The following RREB1 variants were observed in gnomAD, a reference collection of about 807,000 sequenced individuals.
RREB1 encodes the protein ras-responsive element-binding protein 1.
Under a neutral mutation model 117.8 loss-of-function variants are expected in RREB1, and 27 were observed. That is an observed-to-expected ratio of 0.23 (90% confidence interval 0.17 to 0.32). The LOEUF is 0.32. Among genes scored for constraint, RREB1 ranks in the 10% least tolerant of loss-of-function variants. The pLI is 1.00. For synonymous variants in RREB1, 1,298 were observed against 1,026.7 expected, an observed-to-expected ratio of 1.26 and a Z score of -5.05; for missense variants, 2,577 against 2,378.2, an observed-to-expected ratio of 1.08 and a Z score of -1.74.
chr6:7,135,834 A>G (rs1009897990), intron 1 of RREB1, among the ~76,000 whole-genome samples: 5 of 152,220 alleles, frequency 3.3e-5, no homozygotes, highest in Admixed American at 2.6e-4. Context: ...GTATGGATCA[A>G]CTGAGCACAG....
In RREB1 at chr6:7,231,129, C is replaced by T. The variant is rs1554127353; in HGVS notation, c.3030C>T (p.Gly1010=). Residue 1010 remains glycine (G), a synonymous_variant, in exon 10 of 13, where the codon GGC becomes GGT. Coordinates refer to ENST00000379938, the MANE Select transcript of RREB1 (RefSeq NM_001003699.4). ...TPEPPAQPLQ[G]PVQLAVPIYS... The stretch of plus-strand genomic sequence containing the variant: ...AACCCCCAGCACAGCCCCTGCAGGG[C>T]CCTGTTCAGCTGGCGGTCCCAATCT... The T allele has an allele frequency of 6.2e-7, 1 of 1,612,722 alleles. No individual in the cohort carries two copies. The highest frequency in any genetic ancestry group is 1.1e-5 in the South Asian group (1 of 91,066).
intron 1 of RREB1, among the ~76,000 whole-genome samples, chr6:7,112,320 T>C (rs1482942350): frequency 6.6e-6 from 1 of 152,154 alleles, no homozygotes; most frequent in Non-Finnish European, 1.5e-5. Context: ...CTTGGTTGAA[T>C]GGTAAGCCTG....
intron 1 of RREB1, among the ~76,000 whole-genome samples, chr6:7,109,806 T>G (rs1761047822): frequency 6.6e-6 from 1 of 152,150 alleles, no homozygotes; most frequent in Non-Finnish European, 1.5e-5. Context: ...TTGGAGGGGT[T>G]TTCTTCGTTT....
chr6:7,154,511 TAAA>T (rs1399158193), intron 1 of RREB1, among the ~76,000 whole-genome samples: 1 of 152,214 alleles, frequency 6.6e-6, no homozygotes, highest in Non-Finnish European at 1.5e-5. Flanking sequence ...TATATGATAA[TAAA>T]AAGCACTGAG....
At chr6:7,110,805 T>A (rs548196299) in intron 1 of RREB1, among the ~76,000 whole-genome samples, 1 of 152,344 alleles carries the variant, frequency 6.6e-6, no homozygotes, top group East Asian at 1.9e-4. Context: ...GAGGATTTGC[T>A]GGATGTGTAA....
chr6:7,235,330 C>CAGA (rs2113141279), intron 10 of RREB1, among the ~76,000 whole-genome samples: 1 of 152,322 alleles, frequency 6.6e-6, no homozygotes, highest in East Asian at 1.9e-4. Flanking sequence ...TGCTGTCACT[C>CAGA]AGAACCACAT....
At chr6:7,122,630 C>G (rs910734667) in intron 1 of RREB1, among the ~76,000 whole-genome samples, 2 of 152,188 alleles carry the variant, frequency 1.3e-5, no homozygotes, top group Admixed American at 6.5e-5. Flanking sequence ...ACCTTCTACT[C>G]CTCACTTTTT....
chr6:7,167,874 G>T (rs1764026960), intron 1 of RREB1, among the ~76,000 whole-genome samples: 1 of 152,172 alleles, frequency 6.6e-6, no homozygotes, highest in South Asian at 2.1e-4. Context: ...GGAGGGCAGT[G>T]TTATCAGCTT....
chr6:7,187,450 A>G lies in RREB1; in HGVS notation c.188A>G (p.Lys63Arg). The G allele has an allele frequency of 1.2e-6, 2 of 1,603,198 alleles. No individual in the cohort carries two copies. The highest frequency in any genetic ancestry group is 8.5e-7 in the Non-Finnish European group (1 of 1,172,060). Residue 63 changes from lysine (K) to arginine (R), a missense_variant, in exon 5 of 13, where the codon AAG becomes AGG. By Grantham distance (26) the Lys-to-Arg change is conservative (BLOSUM62 2). Transcript: ENST00000379938. ...GRRNQETKEEKSSYNCPLCEK... is the reference protein window; with the variant it reads ...GRRNQETKEERSSYNCPLCEK... Reference sequence around the variant, plus strand: ...TCTTTTTAGGAAACGAAAGAGGAGAAGTCTTCCTATAACTGCCCCCTGTGT... The same window carrying G: ...TCTTTTTAGGAAACGAAAGAGGAGAGGTCTTCCTATAACTGCCCCCTGTGT...
intron 1 of RREB1, among the ~76,000 whole-genome samples, chr6:7,125,987 T>TTTTGTCTG (rs1554115476): frequency 6.6e-6 from 1 of 150,688 alleles, no homozygotes; most frequent in Non-Finnish European, 1.5e-5. Flanking sequence ...AAGGACTGTT[T>TTTTGTCTG]TTTGTTTGTT....
chr6:7,172,585 GAGA>G (rs1240563262), intron 1 of RREB1, among the ~76,000 whole-genome samples: 1 of 152,144 alleles, frequency 6.6e-6, no homozygotes, highest in Non-Finnish European at 1.5e-5. Context: ...CACCCAGGAA[GAGA>G]AGATCAGAGT....
At chr6:7,176,175 C>T (rs759975341) in intron 1 of RREB1, among the ~76,000 whole-genome samples, 6 of 152,186 alleles carry the variant, frequency 3.9e-5, no homozygotes, top group Non-Finnish European at 8.8e-5. Flanking sequence ...TCTTGGCCTC[C>T]CAAAGTGCGG....
chr6:7,234,101 C>G (rs1768162434), intron 10 of RREB1, among the ~76,000 whole-genome samples: 1 of 152,178 alleles, frequency 6.6e-6, no homozygotes, highest in Non-Finnish European at 1.5e-5. Flanking sequence ...ATGTACTGCC[C>G]TTTCATACCA....
intron 4 of RREB1, 109 bp downstream of exon 4, chr6:7,182,191 C>A: frequency 2.9e-6 from 3 of 1,027,394 alleles, no homozygotes; most frequent in Non-Finnish European, 4.2e-6. Flanking sequence ...GGGAATAAAA[C>A]GGACATACCC....
chr6:7,119,036 T>A (rs1761544432), intron 1 of RREB1, among the ~76,000 whole-genome samples: 1 of 152,076 alleles, frequency 6.6e-6, no homozygotes, highest in Non-Finnish European at 1.5e-5. Context: ...GCTACTGTGT[T>A]AAGCACCAAG....
At chr6:7,151,366 G>C (rs1482112596) in intron 1 of RREB1, among the ~76,000 whole-genome samples, 1 of 152,172 alleles carries the variant, frequency 6.6e-6, no homozygotes, top group Non-Finnish European at 1.5e-5. Flanking sequence ...AAGATTTCAA[G>C]GAAAAGTGGA....
chr6:7,220,080 G>T (rs1224897929), intron 8 of RREB1, among the ~76,000 whole-genome samples: 1 of 152,134 alleles, frequency 6.6e-6, no homozygotes, highest in Non-Finnish European at 1.5e-5. Context: ...CCCATAATAG[G>T]AACCTCCACA....
chr6:7,135,243 A>G (rs954893851), intron 1 of RREB1, among the ~76,000 whole-genome samples: 1 of 152,246 alleles, frequency 6.6e-6, no homozygotes, highest in Non-Finnish European at 1.5e-5. Context: ...AGGAGGTGAC[A>G]CAATGATACC....
intron 1 of RREB1, among the ~76,000 whole-genome samples, chr6:7,146,685 C>T (rs913452418): frequency 6.6e-6 from 1 of 151,934 alleles, no homozygotes; most frequent in African/African-American, 2.4e-5. Flanking sequence ...GCAAGGGAGC[C>T]GCTCATAGTG....
Sources: gnomAD v4.1 joint callset for allele counts (sites outside exome capture counted in the v4.1 genomes callset) on GRCh38, gnomAD v4.1.1 for gene constraint, MANE v1.5 for transcripts, NCBI Gene and HGNC (gene_info 2026-07-23, HGNC 2026-07-21) for gene names.